SLC30A8: variants seen among roughly 807,000 people sequenced by gnomAD.
The protein encoded by SLC30A8 is solute carrier family 30 member 8, also known as proton-coupled zinc antiporter SLC30A8.
A neutral mutation model predicts 36.9 loss-of-function variants in SLC30A8; 27 were observed. The observed-to-expected ratio is 0.73, with a 90% CI of 0.54 to 1.01. The LOEUF is 1.01. Among genes scored for constraint, SLC30A8 ranks in the 50% least tolerant of loss-of-function variants. The pLI, the probability that SLC30A8 is intolerant of heterozygous loss-of-function variation, is 0.00. For synonymous variants in SLC30A8, 164 were observed against 172.4 expected (o/e 0.95, Z 0.38); for missense variants, 439 against 452.0 (o/e 0.97, Z 0.26).
chr8:117,124,733 G>A lies in SLC30A8; in HGVS notation c.-225-10547G>A, dbSNP rs558156336. ...ATACTGTGTGTTCTCACTTATAAGT[G>A]GGAGCTAAACATTGAGCACATTATG... On this transcript the variant is annotated intron_variant, in intron 2 of 10. Coordinates refer to the SLC30A8 transcript ENST00000427715. Among the ~76,000 whole-genome samples the A allele has an allele frequency of 9.2e-5, 14 of 151,386 alleles. No homozygotes were observed. In the East Asian group the frequency reaches 2.7e-3, roughly 30 times the overall value.
chr8:116,972,967 C>G (rs1814842133), intron 1 of SLC30A8, among the ~76,000 whole-genome samples: 1 of 152,068 alleles, frequency 6.6e-6, no homozygotes, highest in African/African-American at 2.4e-5. Context: ...TGAAACCATC[C>G]CCGATCTGAG....
At chr8:117,008,476 A>G (rs1816248356) in intron 1 of SLC30A8, among the ~76,000 whole-genome samples, 1 of 152,068 alleles carries the variant, frequency 6.6e-6, no homozygotes, top group African/African-American at 2.4e-5. Flanking sequence ...CCTTCAAGTC[A>G]CTCTCTTTGT....
intron 1 of SLC30A8, among the ~76,000 whole-genome samples, chr8:116,952,695 G>T (rs537394665): frequency 5.3e-5 from 8 of 152,148 alleles, no homozygotes; most frequent in African/African-American, 1.9e-4. Context: ...AACATCAAGT[G>T]ACCCGCCCAC....
intron 3 of SLC30A8, among the ~76,000 whole-genome samples, chr8:117,153,565 AT>A (rs1005521887): frequency 3.9e-5 from 6 of 152,302 alleles, no homozygotes; most frequent in African/African-American, 1.4e-4. Context: ...CATTGGTCCA[AT>A]TGAATATCTT....
intron 4 of SLC30A8, among the ~76,000 whole-genome samples, chr8:117,158,349 G>A (rs1822608692): frequency 1.3e-5 from 2 of 152,024 alleles, no homozygotes; most frequent in Non-Finnish European, 2.9e-5. Flanking sequence ...GGGTGGAAAG[G>A]GACTCTAAAA....
At chr8:117,104,759 C>T (rs1450074096) in intron 2 of SLC30A8, among the ~76,000 whole-genome samples, 1 of 152,144 alleles carries the variant, frequency 6.6e-6, no homozygotes. Context: ...ATTGGCAGAG[C>T]AGCCCAGAGA....
At chr8:116,988,429 A>G (rs1030870221) in intron 1 of SLC30A8, among the ~76,000 whole-genome samples, 9 of 152,160 alleles carry the variant, frequency 5.9e-5, no homozygotes, top group African/African-American at 1.9e-4. Flanking sequence ...TCATGGTACC[A>G]GGTATATCAT....
chr8:117,074,028 C>A, intron 2 of SLC30A8, among the ~76,000 whole-genome samples: 1 of 6,548 alleles, frequency 1.5e-4, no homozygotes, highest in Non-Finnish European at 4.8e-4. Context: ...TTAATTGGGG[C>A]GGGTGGGTGG....
intron 1 of SLC30A8, among the ~76,000 whole-genome samples, chr8:116,972,488 A>G (rs995929360): frequency 6.6e-6 from 1 of 152,220 alleles, no homozygotes; most frequent in African/African-American, 2.4e-5. Context: ...GTAGAAAAGA[A>G]ACCAACTCCA....
chr8:117,066,827 C>T (rs889582912), intron 2 of SLC30A8, among the ~76,000 whole-genome samples: 10 of 152,034 alleles, frequency 6.6e-5, no homozygotes, highest in African/African-American at 2.4e-4. Context: ...TTTGGAAAGA[C>T]AAAACTGAGA....
intron 5 of SLC30A8, 40 bp downstream of exon 5, chr8:117,161,928 A>G (rs111814390): frequency 5.4e-5 from 85 of 1,567,080 alleles, no homozygotes; most frequent in African/African-American, 3.1e-4. Flanking sequence ...ACTTATGTAG[A>G]TTAGGTAGTA....
At chr8:117,048,424 T>C (rs1298960965) in intron 2 of SLC30A8, among the ~76,000 whole-genome samples, 1 of 152,256 alleles carries the variant, frequency 6.6e-6, no homozygotes, top group Non-Finnish European at 1.5e-5. Context: ...TCTATTCTTA[T>C]ACTCCCCTCG....
At chr8:117,071,622 C>G (rs1235260341) in intron 2 of SLC30A8, among the ~76,000 whole-genome samples, 4 of 152,152 alleles carry the variant, frequency 2.6e-5, no homozygotes, top group Admixed American at 2.0e-4. Context: ...AAATCATTGC[C>G]TCAACCCATG....
chr8:117,048,242 G>C (rs1449134150), intron 2 of SLC30A8, among the ~76,000 whole-genome samples: 5 of 152,134 alleles, frequency 3.3e-5, no homozygotes, highest in African/African-American at 1.2e-4. Context: ...TGCCAAGGAT[G>C]GTCATATGGC....
chr8:117,045,851 G>T (rs983514937), intron 2 of SLC30A8, among the ~76,000 whole-genome samples: 2 of 152,042 alleles, frequency 1.3e-5, no homozygotes, highest in South Asian at 4.1e-4. Context: ...TGGCCCCGCG[G>T]ATCTCTGGCA....
intron 2 of SLC30A8, among the ~76,000 whole-genome samples, chr8:117,051,837 A>T (rs977378026): frequency 1.3e-5 from 2 of 151,796 alleles, no homozygotes; most frequent in African/African-American, 2.4e-5. Context: ...TAAAAAAAAT[A>T]AAAAAACCGA....
rs147915997 is a variant in SLC30A8 at position 117,096,913 on chromosome 8, C to T, written c.-225-38367C>T. On this transcript the variant is annotated intron_variant, in intron 2 of 10. Transcript: ENST00000427715. ...ATGGAGTACTGGTCCATCTGGCACTCGTTGTCTTATTACTGCCACTGGAGC... is the reference window on the plus strand; with the variant it reads ...ATGGAGTACTGGTCCATCTGGCACTTGTTGTCTTATTACTGCCACTGGAGC... Among the ~76,000 whole-genome samples the T allele has an allele frequency of 7.9e-5, 12 of 152,168 alleles. No homozygotes were observed. The South Asian group carries it at 1.5e-3, about 18-fold the overall frequency.
intron 2 of SLC30A8, among the ~76,000 whole-genome samples, chr8:117,086,088 G>A (rs1818866106): frequency 6.6e-6 from 1 of 152,126 alleles, no homozygotes; most frequent in Admixed American, 6.5e-5. Flanking sequence ...TTAACTATAA[G>A]CAGACACTCA....
chr8:117,076,823 A>G (rs1818504669), intron 2 of SLC30A8, among the ~76,000 whole-genome samples: 1 of 152,066 alleles, frequency 6.6e-6, no homozygotes, highest in Admixed American at 6.6e-5. Flanking sequence ...GGAGGAATTA[A>G]TGATGTTTGT....
Sources: allele counts gnomAD v4.1 joint callset (sites outside exome capture counted in the v4.1 genomes callset), GRCh38; gene constraint gnomAD v4.1.1; transcripts MANE v1.5; gene names NCBI Gene and HGNC (gene_info 2026-07-23, HGNC 2026-07-21).